The following EPHA1 variants were observed in gnomAD, a reference collection of about 807,000 sequenced individuals.
EPHA1 encodes ephrin type-A receptor 1.
EPHA1 carries 92 observed loss-of-function variants against 110.1 expected under a neutral mutation model. The observed-to-expected ratio is 0.84, with a 90% CI of 0.71 to 0.99. The LOEUF (loss-of-function observed/expected upper bound fraction) is 0.99, where lower values mean the gene tolerates loss of function less well. EPHA1 is among the 50% of genes least tolerant of loss of function. The pLI, the probability that EPHA1 is intolerant of heterozygous loss-of-function variation, is 0.00. For synonymous variants in EPHA1, 500 were observed against 516.1 expected, an observed-to-expected ratio of 0.97 and a Z score of 0.42; for missense variants, 1,204 against 1,285.4, an observed-to-expected ratio of 0.94 and a Z score of 0.97.
intron 2 of EPHA1, among the ~76,000 whole-genome samples, chr7:143,402,368 C>T (rs1158553199): frequency 6.6e-6 from 1 of 152,162 alleles, no homozygotes; most frequent in African/African-American, 2.4e-5. Flanking sequence ...TTGATACTAT[C>T]TAGTCTACTC....
rs1277534592 is a variant in EPHA1 at position 143,397,639 on chromosome 7, C to G, written c.1634G>C (p.Gly545Ala). The G allele has an allele frequency of 6.2e-7, 1 of 1,614,050 alleles. No homozygotes were observed. Among genetic ancestry groups the G allele is most frequent in the Non-Finnish European group, 8.5e-7 (1 of 1,180,030 alleles). Residue 545 changes from glycine (G) to alanine (A), a missense_variant, in exon 9 of 18, where the codon GGA (glycine) becomes GCA (alanine). Transcript: ENST00000275815. Reference sequence around the variant, plus strand: ...AAAGATGACGGCTACAATCTCTCCTCCAGTCAGGCCCCTGGACACTGTAGG... The same window carrying G: ...AAAGATGACGGCTACAATCTCTCCTGCAGTCAGGCCCCTGGACACTGTAGG... Reference protein sequence around the residue: ...TSPPVSRGLTGGEIVAVIFGL... With the variant: ...TSPPVSRGLTAGEIVAVIFGL...
intron 2 of EPHA1, among the ~76,000 whole-genome samples, chr7:143,405,815 C>T (rs558423491): frequency 7.2e-5 from 11 of 152,094 alleles, no homozygotes; most frequent in Admixed American, 2.0e-4. Context: ...GAACAGAGAA[C>T]GGAGCCAGGA....
chr7:143,391,225 AT>A lies in EPHA1; in HGVS notation c.*231del. 3.5e-6 allele frequency: 2 copies of A among 575,568 alleles called. No homozygotes were observed. The highest frequency in any genetic ancestry group is 6.2e-6 in the Non-Finnish European group (2 of 322,236). The allele number at this position is 575,568 out of a possible 1,614,324, so 35.7% of individuals were successfully genotyped here. ...TATATATGTGTATGTATGTATATATATTAACCCCTCAGCTCCCTCCCATGAT... is the reference window on the plus strand; with the variant it reads ...TATATATGTGTATGTATGTATATATATAACCCCTCAGCTCCCTCCCATGAT... On this transcript the variant is annotated 3_prime_UTR_variant, in exon 18 of 18. Transcript: ENST00000275815.
rs1294092057 is a variant in EPHA1, at chr7:143,395,123, T to A, written c.2143A>T (p.Arg715Trp). The A allele has an allele frequency of 1.2e-6, 2 of 1,613,908 alleles. No individual in the cohort carries two copies. Among genetic ancestry groups the A allele is most frequent in the African/African-American group, 2.7e-5 (2 of 74,894 alleles). The change falls in exon 13 of 18, where the codon AGG becomes TGG. Residue 715 changes from arginine (R) to tryptophan (W), a missense_variant and splice_region_variant. Arg to Trp is a moderately radical substitution (Grantham distance 101, BLOSUM62 -3). Coordinates refer to ENST00000275815, the MANE Select transcript of EPHA1 (RefSeq NM_005232.5). The surrounding 1 kb of genome is among the most constrained non-coding windows in gnomAD (Gnocchi z 4.7). The part of the protein sequence containing the change: ...MENGALDAFL[R>W]EREDQLVPGQ... ...AGCTAGTCCTCTGCCCTCCTCACCC[T>A]CAGGAAGGCATCCAGGGCTCCATTC...
chr7:143,399,169 C>G, intron 5 of EPHA1, 89 bp downstream of exon 5: 12 of 1,515,488 alleles, frequency 7.9e-6, no homozygotes, highest in Non-Finnish European at 1.1e-5. Flanking sequence ...CAATATCTGA[C>G]AAGCTCTGGA....
chr7:143,408,407 G>C (rs1240813865), intron 1 of EPHA1, among the ~76,000 whole-genome samples: 1 of 152,136 alleles, frequency 6.6e-6, no homozygotes, highest in Non-Finnish European at 1.5e-5. Flanking sequence ...AGCTGGGACT[G>C]TCTGGGAATG....
rs202180308 is a variant in EPHA1, at chr7:143,394,781, T to C, written c.2352+27A>G. On this transcript the variant is annotated intron_variant, in intron 14 of 17. Coordinates refer to ENST00000275815, the MANE Select transcript of EPHA1 (RefSeq NM_005232.5). The stretch of plus-strand genomic sequence containing the variant: ...GGCATGTTACGGGGCAATGTGAATG[T>C]GCACTGGGTTTGTACCGGCCTCTAA... 1.9e-6 allele frequency: 3 copies of C among 1,612,958 alleles called. No homozygotes were observed. In the East Asian group the frequency reaches 6.7e-5, roughly 36 times the overall value.
intron 8 of EPHA1, 24 bp downstream of exon 8, chr7:143,397,896 G>A (rs1805303974): frequency 1.2e-6 from 2 of 1,612,438 alleles, no homozygotes; most frequent in Non-Finnish European, 1.7e-6. Context: ...TATGTGTGTT[G>A]GGGCAGAGCA....
At chr7:143,403,255 C>T (rs1026379414) in intron 2 of EPHA1, among the ~76,000 whole-genome samples, 24 of 152,208 alleles carry the variant, frequency 1.6e-4, no homozygotes, top group African/African-American at 4.3e-4. Flanking sequence ...CCTGTAATCC[C>T]GGCTACTTGG....
rs756532762 is a variant in EPHA1, at chr7:143,398,664, C to T, written c.1273G>A (p.Val425Met). Residue 425 changes from valine (V) to methionine (M), a missense_variant, in exon 6 of 18, where the codon GTG becomes ATG. By Grantham distance (21) the Val-to-Met change is conservative. Coordinates refer to ENST00000275815, the MANE Select transcript of EPHA1 (RefSeq NM_005232.5). ...TGGCCAGAGCTGCCCAGCCCTGACACTCCATTTTGGGCTTCCACATTAAAG... is the reference window on the plus strand; with the variant it reads ...TGGCCAGAGCTGCCCAGCCCTGACATTCCATTTTGGGCTTCCACATTAAAG... The part of the protein sequence containing the change: ...YTFNVEAQNG[V>M]SGLGSSGHAS... 1.4e-5 allele frequency: 22 copies of T among 1,614,034 alleles called. No individual in the cohort carries two copies. In the African/African-American group the frequency reaches 2.1e-4, roughly 16 times the overall value.
Position 143,398,721 on chromosome 7 carries a change from C to T in EPHA1, c.1216G>A (p.Val406Ile). 1 of 1,614,130 alleles carries T rather than the reference C, an allele frequency of 6.2e-7. No individual in the cohort carries two copies. The change falls in exon 6 of 18, where the codon GTC becomes ATC. Residue 406 changes from valine to isoleucine, a missense_variant. By Grantham distance (29) the Val-to-Ile change is conservative. Transcript: ENST00000275815. Reference protein sequence around the residue: ...ARGLTTPAVHVNGLEPYANYT... With the variant: ...ARGLTTPAVHINGLEPYANYT... ...TTGGCATAAGGTTCAAGGCCATTGACATGCACTGCAGGTGTGGTGAGCCCC... is the reference window on the plus strand; with the variant it reads ...TTGGCATAAGGTTCAAGGCCATTGATATGCACTGCAGGTGTGGTGAGCCCC...
chr7:143,391,709 C>A lies in EPHA1; in HGVS notation c.2763G>T (p.Trp921Cys), dbSNP rs773180572. The A allele has an allele frequency of 6.2e-7, 1 of 1,614,018 alleles. No individual in the cohort carries two copies. The highest frequency in any genetic ancestry group is 2.2e-5 in the East Asian group (1 of 44,868). ...DGIPYRTVSE[W>C]LESIRMKRYI... ...AGCGTTTCATGCGTATGGACTCGAG[C>A]CACTCAGAGACGGTTCGATATGGGA... is the stretch of plus-strand genomic sequence containing the variant. Residue 921 changes from tryptophan (W) to cysteine (C), a missense_variant, in exon 17 of 18, where the codon TGG (tryptophan) becomes TGT (cysteine). Transcript: ENST00000275815.
intron 10 of EPHA1, chr7:143,396,747 T>G: frequency 2.2e-6 from 1 of 461,412 alleles, no homozygotes; most frequent in South Asian, 2.6e-5. Flanking sequence ...GTGGCCAGGA[T>G]CCACACCCGC....
In EPHA1 at chr7:143,397,321, G is replaced by A. The variant is rs1336834470; in HGVS notation, c.1754C>T (p.Ala585Val). 6.5e-7 allele frequency: 1 copy of A among 1,549,748 alleles called. No homozygotes were observed. Among genetic ancestry groups the A allele is most frequent in the East Asian group, 2.4e-5 (1 of 40,910 alleles). The change falls in exon 10 of 18, where the codon GCC (alanine) becomes GTC (valine). Residue 585 changes from alanine (A) to valine (V), a missense_variant. Ala to Val is a moderately conservative substitution (Grantham distance 64). Transcript: ENST00000275815. The part of the protein sequence containing the change: ...RQRQQRQRDR[A>V]TDVDREDKLW... ...CGACTCACCTCGATCCACATCGGTG[G>A]CGCGGTCACGCTGCCTCTGCTGCCT...
At position 143,396,452 on chromosome 7, in the gene EPHA1, C is replaced by T. The variant is rs773131883; in HGVS notation, c.1830G>A (p.Gln610=). 1.9e-6 allele frequency: 3 copies of T among 1,613,900 alleles called. No individual in the cohort carries two copies. In the African/African-American group the frequency reaches 4.0e-5, roughly 22 times the overall value. ...VDLQAYEDPA[Q]GALDFTRELD... ...GCTCCCGGGTAAAGTCCAGGGCTCC[C>T]TGTGCAGGGTCCTCGTATGCCTGGA... is the stretch of plus-strand genomic sequence containing the variant. Residue 610 remains glutamine, a synonymous_variant, in exon 11 of 18, where the codon CAG becomes CAA. Coordinates refer to ENST00000275815, the MANE Select transcript of EPHA1 (RefSeq NM_005232.5).
chr7:143,407,363 T>A (rs1805580246), intron 2 of EPHA1, among the ~76,000 whole-genome samples: 1 of 152,142 alleles, frequency 6.6e-6, no homozygotes, highest in Non-Finnish European at 1.5e-5. Flanking sequence ...AGTATCAGCT[T>A]GTATTCACAA....
At chr7:143,406,958 C>G (rs1020156057) in intron 2 of EPHA1, among the ~76,000 whole-genome samples, 3 of 152,200 alleles carry the variant, frequency 2.0e-5, no homozygotes, top group Non-Finnish European at 4.4e-5. Context: ...CTGGAACAAG[C>G]TCTGACACTT....
In EPHA1 at chr7:143,395,645, G is replaced by T; in HGVS notation, c.1898-141C>A. 1 of 861,518 alleles carries T rather than the reference G, an allele frequency of 1.2e-6. No homozygotes were observed. 53.4% of individuals were successfully genotyped at this position (861,518 alleles called of 1,614,324 possible). A position where few individuals can be genotyped will look rare whatever the true frequency, so the allele number is the denominator to read the frequency against. ...AGTGCCCTTCCTGGGACAGGGCGTG[G>T]GCTGTCCTTCCTGGGGAAGGTCAGA... is the stretch of plus-strand genomic sequence containing the variant. On this transcript the variant is annotated intron_variant, in intron 11 of 17. Transcript: ENST00000275815. This position sits in a 1 kb window ranked among gnomAD's most constrained non-coding sequence, Gnocchi z 4.7.
At chr7:143,400,344 GA>G (rs1157756373) in intron 3 of EPHA1, among the ~76,000 whole-genome samples, 1 of 152,302 alleles carries the variant, frequency 6.6e-6, no homozygotes, top group Admixed American at 6.5e-5. Context: ...GCTAGGACTG[GA>G]ATCCAGGCAT....
Sources: allele counts gnomAD v4.1 joint callset (sites outside exome capture counted in the v4.1 genomes callset), GRCh38; gene constraint gnomAD v4.1.1; non-coding constraint Gnocchi (gnomAD v3.1); transcripts MANE v1.5; gene names NCBI Gene and HGNC (gene_info 2026-07-23, HGNC 2026-07-21).